The following CEP162 variants were observed in gnomAD, a reference collection of about 807,000 sequenced individuals.
CEP162 encodes centrosomal protein of 162 kDa.
CEP162 carries 141 observed loss-of-function variants against 169.2 expected under a neutral mutation model. That is an observed-to-expected ratio of 0.83 (90% CI 0.73 to 0.96). The LOEUF (loss-of-function observed/expected upper bound fraction) is 0.96. Ranked by LOEUF, CEP162 falls within the 40% of genes least tolerant of loss-of-function variation. CEP162 has a pLI of 0.00. For synonymous variants in CEP162, 540 were observed against 526.4 expected, an observed-to-expected ratio of 1.03 and a Z score of -0.35; for missense variants, 1,600 against 1,587.2, an observed-to-expected ratio of 1.01 and a Z score of -0.14.
At chr6:84,170,743 A>G (rs2099529789) in intron 17 of CEP162, among the ~76,000 whole-genome samples, 1 of 152,252 alleles carries the variant, frequency 6.6e-6, no homozygotes, top group Admixed American at 6.5e-5. Flanking sequence ...AAAAGAAGAT[A>G]GTATGCTAGC....
chr6:84,180,451 C>G (rs2099534302), intron 13 of CEP162, among the ~76,000 whole-genome samples: 1 of 151,978 alleles, frequency 6.6e-6, no homozygotes, highest in Admixed American at 6.6e-5. Flanking sequence ...GGGATGCCCT[C>G]TCTCACCACT....
At chr6:84,169,822 AAACT>A (rs2099529277) in intron 17 of CEP162, among the ~76,000 whole-genome samples, 1 of 152,146 alleles carries the variant, frequency 6.6e-6, no homozygotes, top group Non-Finnish European at 1.5e-5. Context: ...TCATACATGG[AAACT>A]AACAAACAAA....
At chr6:84,159,541 ATATATATTTTTTTTTTTTTT>A (rs2099524715) in intron 21 of CEP162, among the ~76,000 whole-genome samples, 1 of 40,302 alleles carries the variant, frequency 2.5e-5, no homozygotes, top group African/African-American at 1.0e-4. Context: ...ATATATATAT[ATATATATTTTTTTTTTTTTT>A]TTTTTTTTTT....
At chr6:84,127,274 C>T (rs59378559) in intron 25 of CEP162, among the ~76,000 whole-genome samples, 16,228 of 152,050 alleles carry the variant, frequency 0.11, 1,360 homozygotes, top group African/African-American at 0.24. Context: ...ATGGATAGAA[C>T]TAACAATAAC....
intron 11 of CEP162, among the ~76,000 whole-genome samples, chr6:84,191,384 G>A (rs2099539816): frequency 6.6e-6 from 1 of 152,174 alleles, no homozygotes; most frequent in South Asian, 2.1e-4. Flanking sequence ...CTTCTTAATA[G>A]AATAATAACC....
At chr6:84,128,177 T>A (rs576502837) in intron 25 of CEP162, among the ~76,000 whole-genome samples, 1 of 152,342 alleles carries the variant, frequency 6.6e-6, no homozygotes, top group East Asian at 1.9e-4. Context: ...TTTCAATGAT[T>A]AAACATTCAT....
chr6:84,172,104 C>T (rs1219494225), intron 16 of CEP162, among the ~76,000 whole-genome samples: 1 of 149,086 alleles, frequency 6.7e-6, no homozygotes, highest in African/African-American at 2.6e-5. Flanking sequence ...GTTTCTGGCT[C>T]AAGAGAGGGG....
At position 84,160,937 on chromosome 6, in the gene CEP162, T is replaced by G. The variant is rs778902752; in HGVS notation, c.2677-21A>C. On this transcript the variant is annotated intron_variant, in intron 20 of 26. Coordinates refer to ENST00000403245, the MANE Select transcript of CEP162 (RefSeq NM_014895.4). ...TCAATCTGTCAATAAATAAATAACA[T>G]GTTAAGAAGCATATGTAAACATAAC... 1.2e-5 allele frequency: 18 copies of G among 1,469,410 alleles called. No homozygotes were observed. In the South Asian group the frequency reaches 1.5e-4, roughly 12 times the overall value. The allele number at this position is 1,469,410 out of a possible 1,614,324, so 91.0% of individuals were successfully genotyped here. A position where few individuals can be genotyped will look rare whatever the true frequency, so the allele number is the denominator to read the frequency against.
chr6:84,175,167 T>C, intron 14 of CEP162, 47 bp downstream of exon 14: 1 of 1,281,096 alleles, frequency 7.8e-7, no homozygotes, highest in Non-Finnish European at 1.1e-6. Context: ...AGTTTTAATA[T>C]AATTTTAGAA....
At chr6:84,183,076 G>C (rs2099535615) in intron 13 of CEP162, among the ~76,000 whole-genome samples, 2 of 151,886 alleles carry the variant, frequency 1.3e-5, no homozygotes, top group African/African-American at 2.4e-5. Flanking sequence ...TTAATATTCA[G>C]TCTAATGAGA....
At chr6:84,159,642 C>G (rs2497153) in intron 21 of CEP162, among the ~76,000 whole-genome samples, 33,226 of 134,030 alleles carry the variant, frequency 0.25, 8,799 homozygotes, top group African/African-American at 0.68. Flanking sequence ...TTGGCTCATT[C>G]CAACTTCTAC....
chr6:84,148,672 A>G lies in CEP162; in HGVS notation c.3771+890T>C, dbSNP rs1367499715. Among the ~76,000 whole-genome samples the G allele has an allele frequency of 5.9e-5, 9 of 152,282 alleles. No homozygotes were observed. In the East Asian group the frequency reaches 1.5e-3, roughly 26 times the overall value. On this transcript the variant is annotated intron_variant, in intron 24 of 26. Coordinates refer to ENST00000403245, the MANE Select transcript of CEP162 (RefSeq NM_014895.4). ...TCCCGAATTGAGGAATTTATTTTTA[A>G]TTAAGATGGTATTAAATAATTACAC...
chr6:84,169,659 G>C (rs2099529207), intron 17 of CEP162, among the ~76,000 whole-genome samples: 1 of 151,950 alleles, frequency 6.6e-6, no homozygotes, highest in Non-Finnish European at 1.5e-5. Context: ...TGAAACCTAA[G>C]ATTATTGGTT....
chr6:84,127,099 GAC>G (rs2099509246), intron 25 of CEP162, among the ~76,000 whole-genome samples: 1 of 152,096 alleles, frequency 6.6e-6, no homozygotes, highest in Admixed American at 6.6e-5. Context: ...AGAGATTAAA[GAC>G]ACAGACCCCA....
intron 2 of CEP162, among the ~76,000 whole-genome samples, chr6:84,225,808 G>A (rs1053184127): frequency 1.3e-5 from 2 of 152,122 alleles, no homozygotes; most frequent in African/African-American, 4.8e-5. Context: ...CCTCTCTGAA[G>A]TGGTGATATT....
chr6:84,217,444 A>G (rs1233729387), intron 3 of CEP162, among the ~76,000 whole-genome samples: 2 of 152,070 alleles, frequency 1.3e-5, no homozygotes, highest in Non-Finnish European at 2.9e-5. Flanking sequence ...ATGGGGGAAG[A>G]GTGTTTAAGG....
chr6:84,174,245 T>C lies in CEP162; in HGVS notation c.2026-57A>G, dbSNP rs143352349. 5.9e-3 allele frequency: 8,089 copies of C among 1,381,406 alleles called. 53 individuals are homozygous for C. The highest frequency in any genetic ancestry group is 6.3e-3 in the Non-Finnish European group (6,339 of 1,006,370). 85.6% of individuals were successfully genotyped at this position (1,381,406 alleles called of 1,614,324 possible). On this transcript the variant is annotated intron_variant, in intron 15 of 26. Transcript: ENST00000403245. ...GGGAAGGAAATGATAAGGTGAGAAG[T>C]GAGAAAGAATAACAGGAAACTCCTA... is the stretch of plus-strand genomic sequence containing the variant.
intron 13 of CEP162, among the ~76,000 whole-genome samples, chr6:84,179,943 G>A (rs986378744): frequency 2.0e-5 from 3 of 152,086 alleles, no homozygotes; most frequent in African/African-American, 7.2e-5. Flanking sequence ...CATTCCTTCT[G>A]AAACTATTCC....
At chr6:84,150,037 G>GA (rs1476497830) in intron 23 of CEP162, among the ~76,000 whole-genome samples, 1 of 152,094 alleles carries the variant, frequency 6.6e-6, no homozygotes, top group Admixed American at 6.6e-5. Context: ...GATAAACTCA[G>GA]ATTTCTTGCC....
Sources: allele counts gnomAD v4.1 joint callset (sites outside exome capture counted in the v4.1 genomes callset), GRCh38; gene constraint gnomAD v4.1.1; transcripts MANE v1.5; gene names NCBI Gene and HGNC (gene_info 2026-07-23, HGNC 2026-07-21).